MCC: variants seen among roughly 807,000 people sequenced by gnomAD.
MCC encodes the protein colorectal mutant cancer protein.
A neutral mutation model predicts 116.2 loss-of-function variants in MCC; 90 were observed. The ratio of observed to expected loss-of-function variants is 0.77; its 90% confidence interval spans 0.65 to 0.92. The LOEUF (loss-of-function observed/expected upper bound fraction) is 0.92, where lower values mean the gene tolerates loss of function less well. Ranked by LOEUF, MCC falls within the 40% of genes least tolerant of loss-of-function variation. MCC has a pLI of 0.00. For missense variants in MCC, 1,516 were observed against 1,312.2 expected (o/e 1.16, Z -2.40); for synonymous variants, 578 against 510.5 (o/e 1.13, Z -1.78).
intron 3 of MCC, among the ~76,000 whole-genome samples, chr5:113,319,933 T>A: frequency 6.6e-6 from 1 of 152,314 alleles, no homozygotes; most frequent in African/African-American, 2.4e-5. Flanking sequence ...CCAAAGTTAT[T>A]TCTTAGCATA....
intron 3 of MCC, among the ~76,000 whole-genome samples, chr5:113,198,539 TAAA>T (rs10718683): frequency 6.6e-5 from 9 of 136,204 alleles, no homozygotes; most frequent in African/African-American, 1.3e-4. Flanking sequence ...TACAAATAAT[TAAA>T]AAAAAAAAAA....
intron 1 of MCC, among the ~76,000 whole-genome samples, chr5:113,459,787 T>C (rs2150424859): frequency 6.6e-6 from 1 of 150,406 alleles, no homozygotes; most frequent in South Asian, 2.1e-4. Context: ...AGATAACAGA[T>C]ATCCCTTGCA....
chr5:113,281,867 G>A (rs1429669748), intron 3 of MCC, among the ~76,000 whole-genome samples: 1 of 152,112 alleles, frequency 6.6e-6, no homozygotes, highest in Admixed American at 6.6e-5. Context: ...ATGCTTCTAA[G>A]GCACTTCTAC....
chr5:113,336,692 T>C (rs1322164644), intron 3 of MCC, among the ~76,000 whole-genome samples: 2 of 152,232 alleles, frequency 1.3e-5, no homozygotes, highest in East Asian at 3.9e-4. Context: ...GTGTAAGGTC[T>C]AGCCCTTAGG....
Position 113,064,079 on chromosome 5 carries a change from C to G in MCC, c.2118G>C (p.Leu706=). The G allele has an allele frequency of 6.2e-7, 1 of 1,614,232 alleles. No individual in the cohort carries two copies. Among genetic ancestry groups the G allele is most frequent in the Non-Finnish European group, 8.5e-7 (1 of 1,180,028 alleles). The change falls in exon 14 of 19, where the codon CTG becomes CTC. Residue 706 remains leucine, a synonymous_variant. Transcript: ENST00000408903. Reference sequence around the variant, plus strand: ...CACAGCTGCCGTCCAGCTTCATGAGCAGGGCCTTGGCAGCGTTCTCAGCTG... The same window carrying G: ...CACAGCTGCCGTCCAGCTTCATGAGGAGGGCCTTGGCAGCGTTCTCAGCTG... The part of the protein sequence containing the change: ...RKTAENAAKA[L]LMKLDGSCGG...
chr5:113,037,818 G>C (rs1215860702), intron 17 of MCC, among the ~76,000 whole-genome samples: 1 of 152,282 alleles, frequency 6.6e-6, no homozygotes, highest in East Asian at 1.9e-4. Flanking sequence ...ATAAAGCAAA[G>C]GGTGTGCTCT....
At position 113,469,356 on chromosome 5, in the gene MCC, G is replaced by A. The variant is rs374270179; in HGVS notation, c.170+18889C>T. 7.2e-5 allele frequency among the ~76,000 whole-genome samples: 11 copies of A among 152,248 alleles called. No homozygotes were observed. In the South Asian group the frequency reaches 1.9e-3, roughly 26 times the overall value. On this transcript the variant is annotated intron_variant, in intron 1 of 18. Coordinates refer to ENST00000408903, the MANE Select transcript of MCC (RefSeq NM_001085377.2). ...TTTCCCTCTACACACTGCTTTGAAT[G>A]TGTCCCAGAGATTCTGGTATGTTGT...
At position 113,023,229 on chromosome 5, in the gene MCC, C is replaced by CATAAG. The variant is rs756552847; in HGVS notation, c.*4068_*4072dup. 4.6e-5 allele frequency: 7 copies of CATAAG among 152,166 alleles called. No individual in the cohort carries two copies. Among genetic ancestry groups the CATAAG allele is most frequent in the Non-Finnish European group, 8.8e-5 (6 of 68,030 alleles). 9.4% of individuals were successfully genotyped at this position (152,166 alleles called of 1,614,324 possible). On this transcript the variant is annotated 3_prime_UTR_variant, in exon 19 of 19. Transcript: ENST00000408903. ...CTTACTTTAACCTGACCTACATGAACATAAGATTTGTAGGATGTGGATAAA... is the reference window on the plus strand; with the variant it reads ...CTTACTTTAACCTGACCTACATGAACATAAGATAAGATTTGTAGGATGTGGATAAA...
rs532146594 is a variant in MCC, at chr5:113,038,275, G to C, written c.2756+5255C>G. 3.9e-5 allele frequency among the ~76,000 whole-genome samples: 6 copies of C among 152,246 alleles called. No homozygotes were observed. The South Asian group carries it at 1.2e-3, about 32-fold the overall frequency. ...GGGTGGAGATGTCCAGTGGGCATGA[G>C]GTTGAGATAATTTAGGGACCATTTA... On this transcript the variant is annotated intron_variant, in intron 17 of 18. Transcript: ENST00000408903.
At chr5:113,027,543 T>G (rs930697829) in intron 18 of MCC, 61 bp from the exon 19 acceptor site, 29 of 1,448,340 alleles carry the variant, frequency 2.0e-5, no homozygotes, top group Non-Finnish European at 2.8e-5. Context: ...CGTGACACCA[T>G]CCTGTCCACT....
chr5:113,104,995 C>G (rs1217161484), intron 6 of MCC, among the ~76,000 whole-genome samples: 3 of 152,174 alleles, frequency 2.0e-5, no homozygotes, highest in African/African-American at 7.2e-5. Flanking sequence ...ACTTGGGTTG[C>G]TTTGAACCGC....
rs977874864 is a variant in MCC at position 113,485,389 on chromosome 5, C to T, written c.170+2856G>A. On this transcript the variant is annotated intron_variant, in intron 1 of 18. Transcript: ENST00000408903. Reference sequence around the variant, plus strand: ...CTATTTCCTGCTCTTAGTAACAGAACCCAGATTTTGTTTAGGAGGTAATGT... The same window carrying T: ...CTATTTCCTGCTCTTAGTAACAGAATCCAGATTTTGTTTAGGAGGTAATGT... Among the ~76,000 whole-genome samples the T allele has an allele frequency of 7.9e-5, 12 of 152,126 alleles. 1 individual carries two copies. Among genetic ancestry groups the T allele is most frequent in the South Asian group, 6.2e-4 (3 of 4,818 alleles).
At position 113,083,583 on chromosome 5, in the gene MCC, T is replaced by C. The variant is rs59084975; in HGVS notation, c.1635+518A>G. On this transcript the variant is annotated intron_variant, in intron 10 of 18. Coordinates refer to ENST00000408903, the MANE Select transcript of MCC (RefSeq NM_001085377.2). ...TCCCTTAAAGAAATGAAACTACTCC[T>C]TTTCACCATCCATCAGCTCTTACAG... is the stretch of plus-strand genomic sequence containing the variant. 4.1e-3 allele frequency among the ~76,000 whole-genome samples: 625 copies of C among 152,250 alleles called. 13 individuals carry two copies. The East Asian group carries it at 0.051, about 12-fold the overall frequency.
At chr5:113,116,231 G>A (rs1287001914) in intron 6 of MCC, among the ~76,000 whole-genome samples, 1 of 152,206 alleles carries the variant, frequency 6.6e-6, no homozygotes, top group Non-Finnish European at 1.5e-5. Context: ...CACGCCACCA[G>A]GAGGAGGGGG....
intron 3 of MCC, among the ~76,000 whole-genome samples, chr5:113,213,437 T>C (rs1369527422): frequency 6.6e-6 from 1 of 152,164 alleles, no homozygotes; most frequent in Non-Finnish European, 1.5e-5. Flanking sequence ...TCTCACAGTG[T>C]TCATGGCTTT....
chr5:113,444,054 A>G (rs1771133826), intron 1 of MCC, among the ~76,000 whole-genome samples: 1 of 150,418 alleles, frequency 6.6e-6, no homozygotes, highest in Admixed American at 6.6e-5. Context: ...CAAGTTGGCC[A>G]GGCTGTTCTC....
At chr5:113,029,949 C>T (rs1750841722) in intron 17 of MCC, among the ~76,000 whole-genome samples, 1 of 152,190 alleles carries the variant, frequency 6.6e-6, no homozygotes, top group Non-Finnish European at 1.5e-5. Context: ...GTTTGATTCC[C>T]CAATGCACCC....
At chr5:113,032,800 C>G (rs1236153744) in intron 17 of MCC, among the ~76,000 whole-genome samples, 1 of 152,168 alleles carries the variant, frequency 6.6e-6, no homozygotes, top group Non-Finnish European at 1.5e-5. Flanking sequence ...AGTAAAGAAG[C>G]CAGCCAAAAC....
At chr5:113,432,368 G>C (rs574251009) in intron 1 of MCC, among the ~76,000 whole-genome samples, 1 of 149,726 alleles carries the variant, frequency 6.7e-6, no homozygotes, top group Non-Finnish European at 1.5e-5. Flanking sequence ...ACAGCTAACA[G>C]TGTTGGCTCG....
Sources: gnomAD v4.1 joint callset for allele counts (sites outside exome capture counted in the v4.1 genomes callset) on GRCh38, gnomAD v4.1.1 for gene constraint, MANE v1.5 for transcripts, NCBI Gene and HGNC (gene_info 2026-07-23, HGNC 2026-07-21) for gene names.